The following TBC1D19 variants were observed in gnomAD, a reference collection of about 807,000 sequenced individuals.
TBC1D19 encodes the protein TBC1 domain family member 19.
A neutral mutation model predicts 89.0 loss-of-function variants in TBC1D19; 60 were observed. That is an observed-to-expected ratio of 0.67 (90% CI 0.55 to 0.84). TBC1D19 has a LOEUF of 0.84. TBC1D19 is among the 40% of genes least tolerant of loss of function. TBC1D19 has a pLI of 0.00. For missense variants in TBC1D19, 500 were observed against 610.8 expected (o/e 0.82, Z 1.91); for synonymous variants, 189 against 199.7 (o/e 0.95, Z 0.45).
chr4:26,655,154 C>T (rs1044283022), intron 7 of TBC1D19, among the ~76,000 whole-genome samples: 13 of 152,190 alleles, frequency 8.5e-5, no homozygotes, highest in Non-Finnish European at 1.0e-4. Flanking sequence ...CCCTATTTGC[C>T]TGGGTGTCAG....
chr4:26,640,367 T>C (rs1743417336), intron 7 of TBC1D19, among the ~76,000 whole-genome samples, 180 bp downstream of exon 7: 1 of 152,118 alleles, frequency 6.6e-6, no homozygotes, highest in Non-Finnish European at 1.5e-5. Flanking sequence ...TATTGGAATA[T>C]GGAAAGATTA....
At chr4:26,756,230 T>C (rs1719257994), downstream of TBC1D19, among the ~76,000 whole-genome samples, 1 of 152,220 alleles carries the variant, frequency 6.6e-6, no homozygotes, top group African/African-American at 2.4e-5. Context: ...GTGATGCAGT[T>C]ATAATCCTAT....
intron 7 of TBC1D19, among the ~76,000 whole-genome samples, chr4:26,653,564 G>A (rs1466767042): frequency 1.3e-5 from 2 of 152,120 alleles, no homozygotes; most frequent in Admixed American, 1.3e-4. Flanking sequence ...CTCCTGTATT[G>A]GGTGCATATA....
chr4:26,734,074 T>C (rs1717823668), intron 15 of TBC1D19, among the ~76,000 whole-genome samples: 1 of 152,202 alleles, frequency 6.6e-6, no homozygotes, highest in African/African-American at 2.4e-5. Context: ...CATTTTCACA[T>C]AGAAGATAAA....
chr4:26,728,762 C>G (rs1357479650), intron 15 of TBC1D19, among the ~76,000 whole-genome samples: 1 of 152,164 alleles, frequency 6.6e-6, no homozygotes, highest in Non-Finnish European at 1.5e-5. Context: ...GCCTGTAATC[C>G]CAGCACTTTG....
chr4:26,744,496 T>G (rs966693179), intron 18 of TBC1D19, among the ~76,000 whole-genome samples: 7 of 151,882 alleles, frequency 4.6e-5, no homozygotes, highest in Non-Finnish European at 7.4e-5. Flanking sequence ...CTTTCTTTTT[T>G]TCTAATATAA....
chr4:26,812,177 C>G, the TBC1D19 span, among the ~76,000 whole-genome samples: 2 of 152,126 alleles, frequency 1.3e-5, no homozygotes, highest in Non-Finnish European at 2.9e-5. The surrounding 1 kb of genome is among the most constrained non-coding windows in gnomAD (Gnocchi z 4.2). Flanking sequence ...TGGGAGGCAG[C>G]GAGGAAGATG....
At chr4:26,706,484 G>C (rs1034945763) in intron 13 of TBC1D19, among the ~76,000 whole-genome samples, 2 of 151,896 alleles carry the variant, frequency 1.3e-5, no homozygotes, top group Admixed American at 1.3e-4. Context: ...GCCAACTTTG[G>C]TTTCAGTTAT....
In TBC1D19 at chr4:26,695,965, A is replaced by G. The variant is rs1036960580; in HGVS notation, c.954+7558A>G. ...ACTGCATCAACTAGCGAACAAAATAACCAGCTAACGTCATAATGACAGGAT... is the reference window on the plus strand; with the variant it reads ...ACTGCATCAACTAGCGAACAAAATAGCCAGCTAACGTCATAATGACAGGAT... On this transcript the variant is annotated intron_variant, in intron 13 of 20. Coordinates refer to ENST00000264866, the MANE Select transcript of TBC1D19 (RefSeq NM_018317.4). 3.2e-3 allele frequency among the ~76,000 whole-genome samples: 492 copies of G among 152,332 alleles called. 1 individual carries two copies. The highest frequency in any genetic ancestry group is 0.011 in the African/African-American group (457 of 41,580).
chr4:26,815,971 C>A, the TBC1D19 span, among the ~76,000 whole-genome samples: 1 of 152,180 alleles, frequency 6.6e-6, no homozygotes, highest in Non-Finnish European at 1.5e-5. Flanking sequence ...GTGTGAGTTC[C>A]ACAGAACTGA....
At chr4:26,791,402 G>T in the TBC1D19 span, among the ~76,000 whole-genome samples, 2 of 152,154 alleles carry the variant, frequency 1.3e-5, no homozygotes, top group African/African-American at 2.4e-5. Flanking sequence ...GCTCAGTGAG[G>T]CCTTGAGGAC....
At chr4:26,587,451 C>T (rs894132813) in intron 1 of TBC1D19, among the ~76,000 whole-genome samples, 1 of 151,960 alleles carries the variant, frequency 6.6e-6, no homozygotes, top group Middle Eastern at 3.4e-3. Flanking sequence ...GCAGTGCGCA[C>T]CTGTAGTCCC....
the TBC1D19 span, among the ~76,000 whole-genome samples, chr4:26,823,604 G>T: frequency 6.6e-6 from 1 of 152,176 alleles, no homozygotes; most frequent in Admixed American, 6.5e-5. Flanking sequence ...CTGGAGATGG[G>T]TCTGTCACCA....
Position 26,659,660 on chromosome 4 carries a change from T to C in TBC1D19, c.544T>C (p.Leu182=), listed in dbSNP as rs752073150. ...NGDSLSFRTH[L]GLIQVPLKVK... ...TGATTCTCTTAGTTTCAGGACTCAT[T>C]TGGGTTTAATTCAAGTTCCACTGAA... Residue 182 remains leucine, a synonymous_variant, in exon 8 of 21, where the codon TTG becomes CTG. Coordinates refer to ENST00000264866, the MANE Select transcript of TBC1D19 (RefSeq NM_018317.4). 1.3e-6 allele frequency: 2 copies of C among 1,594,826 alleles called. No homozygotes were observed. Among genetic ancestry groups the C allele is most frequent in the South Asian group, 1.1e-5 (1 of 88,392 alleles).
chr4:26,645,113 C>G (rs1019053627), intron 7 of TBC1D19, among the ~76,000 whole-genome samples: 2 of 152,232 alleles, frequency 1.3e-5, no homozygotes. Context: ...CCATCCCCAT[C>G]AAGCTACCAC....
rs1010247252 is a variant in TBC1D19, at chr4:26,621,258, C to T, written c.294+570C>T. Reference sequence around the variant, plus strand: ...AAAATGGAAGCTCAAGAAGTTCTAGCACATGCCCCTAGCTCTTTTAACTGT... The same window carrying T: ...AAAATGGAAGCTCAAGAAGTTCTAGTACATGCCCCTAGCTCTTTTAACTGT... On this transcript the variant is annotated intron_variant, in intron 4 of 20. Transcript: ENST00000264866. 1.2e-4 allele frequency among the ~76,000 whole-genome samples: 19 copies of T among 152,098 alleles called. 1 individual carries two copies. Among genetic ancestry groups the T allele is most frequent in the Admixed American group, 3.3e-4 (5 of 15,272 alleles).
chr4:26,825,224 G>A, the TBC1D19 span, among the ~76,000 whole-genome samples: 4 of 151,806 alleles, frequency 2.6e-5, no homozygotes, highest in African/African-American at 4.8e-5. Context: ...TCAGTTTCCC[G>A]AGTAGCTGGG....
the TBC1D19 span, among the ~76,000 whole-genome samples, chr4:26,841,003 T>G: frequency 6.6e-6 from 1 of 151,958 alleles, no homozygotes; most frequent in Admixed American, 6.6e-5. Context: ...GGAAGCTGAG[T>G]GCAGGTGTAA....
intron 20 of TBC1D19, 60 bp from the exon 21 acceptor site, chr4:26,754,813 T>C: frequency 7.4e-7 from 1 of 1,353,330 alleles, no homozygotes; most frequent in Middle Eastern, 2.1e-4. Flanking sequence ...TGTAATTATG[T>C]TTACCTTATT....
Sources: allele counts gnomAD v4.1 joint callset (sites outside exome capture counted in the v4.1 genomes callset), GRCh38; gene constraint gnomAD v4.1.1; non-coding constraint Gnocchi (gnomAD v3.1); transcripts MANE v1.5; gene names NCBI Gene and HGNC (gene_info 2026-07-23, HGNC 2026-07-21).